AHDC1: variants seen among roughly 807,000 people sequenced by gnomAD.
AHDC1 encodes transcription factor Gibbin.
Under a neutral mutation model 87.9 loss-of-function variants are expected in AHDC1, and 7 were observed. The observed-to-expected ratio is 0.08, with a 90% CI of 0.05 to 0.15. The LOEUF is 0.15. AHDC1 is among the 10% of genes least tolerant of loss of function. AHDC1 has a pLI of 1.00. For synonymous variants in AHDC1, 1,051 were observed against 1,006.8 expected, an observed-to-expected ratio of 1.04 and a Z score of -0.83; for missense variants, 1,841 against 2,253.2, an observed-to-expected ratio of 0.82 and a Z score of 3.70.
At chr1:27,559,912 G>C (rs145207791) in intron 3 of AHDC1, among the ~76,000 whole-genome samples, 1 of 152,332 alleles carries the variant, frequency 6.6e-6, no homozygotes, top group East Asian at 1.9e-4. Context: ...GATTCTGCCT[G>C]TGCAAATGCA....
Position 27,549,230 on chromosome 1 carries a change from C to A in AHDC1, c.2886G>T (p.Pro962=), listed in dbSNP as rs759357518. 6.2e-7 allele frequency: 1 copy of A among 1,603,618 alleles called. No homozygotes were observed. The highest frequency in any genetic ancestry group is 8.5e-7 in the Non-Finnish European group (1 of 1,174,534). Residue 962 remains proline, a synonymous_variant, in exon 8 of 9, where the codon CCG becomes CCT. Coordinates refer to ENST00000673934, the MANE Select transcript of AHDC1 (RefSeq NM_001371928.1). The stretch of plus-strand genomic sequence containing the variant: ...ACTGGGGCAGGTAGGTGTTGGCAGG[C>A]GGGTGGGTGGTAGGTGAGCGGGCCA... ...SAMARSPTTH[P]PANTYLPQYG...
chr1:27,568,355 T>A (rs2020411571), intron 3 of AHDC1: 1 of 152,330 alleles, frequency 6.6e-6, no homozygotes, highest in African/African-American at 2.4e-5. Flanking sequence ...CTTGGCAAGA[T>A]CTTGGGGCAG....
chr1:27,577,845 C>T (rs2088801060), intron 3 of AHDC1, among the ~76,000 whole-genome samples: 1 of 152,164 alleles, frequency 6.6e-6, no homozygotes, highest in Admixed American at 6.5e-5. Context: ...GGCCAGTGCT[C>T]AGAGGTGATA....
chr1:27,592,715 G>A (rs1418438407), intron 3 of AHDC1, among the ~76,000 whole-genome samples: 4 of 152,192 alleles, frequency 2.6e-5, no homozygotes, highest in Non-Finnish European at 4.4e-5. Flanking sequence ...TGCTCCATCT[G>A]CAAAATGGAG....
intron 8 of AHDC1, among the ~76,000 whole-genome samples, chr1:27,538,404 A>AAAAAAAAAAAAAAACAAAC (rs1167582471): frequency 4.9e-5 from 7 of 142,802 alleles, no homozygotes; most frequent in African/African-American, 1.8e-4. Context: ...CTGTCTCAAA[A>AAAAAAAAAAAAAAACAAAC]AAAAAAAAAA....
At chr1:27,545,038 T>C (rs1021341439) in intron 8 of AHDC1, among the ~76,000 whole-genome samples, 2 of 151,956 alleles carry the variant, frequency 1.3e-5, no homozygotes, top group Non-Finnish European at 2.9e-5. Context: ...ACACTGCTGT[T>C]CCCTCTGCCC....
At position 27,549,712 on chromosome 1, in the gene AHDC1, C is replaced by T. The variant is rs200194832; in HGVS notation, c.2404G>A (p.Ala802Thr). 3.1e-6 allele frequency: 5 copies of T among 1,612,798 alleles called. No homozygotes were observed. In the South Asian group the frequency reaches 4.4e-5, roughly 14 times the overall value. ...GCTCCACTCTCCAGCCCAGTGGAGG[C>T]AAAGGCCCGGGCCTCGGTCCCCTGA... The part of the protein sequence containing the change: ...GFQGTEARAF[A>T]STGLESGASG... The change falls in exon 8 of 9, where the codon GCC becomes ACC. Residue 802 changes from alanine (A) to threonine (T), a missense_variant. Coordinates refer to ENST00000673934, the MANE Select transcript of AHDC1 (RefSeq NM_001371928.1).
rs1487299082 is a variant in AHDC1, at chr1:27,550,770, G to A, written c.1346C>T (p.Pro449Leu). ...ALPGPGPVSVPELKPESSQTP... is the reference protein window; with the variant it reads ...ALPGPGPVSVLELKPESSQTP... ...CTGGGAAGATTCCGGCTTCAACTCTGGGACTGAGACCGGGCCTGGGCCTGG... is the reference window on the plus strand; with the variant it reads ...CTGGGAAGATTCCGGCTTCAACTCTAGGACTGAGACCGGGCCTGGGCCTGG... The change falls in exon 8 of 9, where the codon CCA (proline) becomes CTA (leucine). Residue 449 changes from proline to leucine, a missense_variant. Pro to Leu is a moderately conservative substitution (Grantham distance 98). Around this residue, in one of 13 missense-constraint regions of AHDC1, gnomAD observed 370 missense variants for 391.5 expected, o/e 0.95. Transcript: ENST00000673934. The A allele has an allele frequency of 1.9e-6, 3 of 1,573,692 alleles. No individual in the cohort carries two copies. In the East Asian group the frequency reaches 7.1e-5, roughly 37 times the overall value.
chr1:27,574,518 G>A, intron 3 of AHDC1, among the ~76,000 whole-genome samples: 1 of 152,184 alleles, frequency 6.6e-6, no homozygotes, highest in East Asian at 1.9e-4. Flanking sequence ...AAAAGGACTT[G>A]TTCAAGGTCA....
rs372265193 is a variant in AHDC1, at chr1:27,595,450, C to CTGTGTGTGTGTGTGTGTGTGTG, written c.-629+7946_-629+7947insCACACACACACACACACACACA. On this transcript the variant is annotated intron_variant, in intron 3 of 8. Transcript: ENST00000673934. This position sits in a 1 kb window ranked among gnomAD's most constrained non-coding sequence, Gnocchi z 4.0. The stretch of plus-strand genomic sequence containing the variant: ...GGTTGATATGCTGAGGGTGTGATAG[C>CTGTGTGTGTGTGTGTGTGTGTG]TGTGTGTGTGTGTGTGTGTGATTGT... 7.2e-3 allele frequency among the ~76,000 whole-genome samples: 1,038 copies of CTGTGTGTGTGTGTGTGTGTGTG among 144,732 alleles called. 9 individuals carry two copies. Among genetic ancestry groups the CTGTGTGTGTGTGTGTGTGTGTG allele is most frequent in the African/African-American group, 0.018 (701 of 38,782 alleles). The allele number at this position is 144,732 out of a possible 152,430, so 94.9% of individuals were successfully genotyped here.
intron 3 of AHDC1, among the ~76,000 whole-genome samples, chr1:27,591,783 G>C (rs150608489): frequency 6.6e-6 from 1 of 152,210 alleles, no homozygotes; most frequent in Non-Finnish European, 1.5e-5. Flanking sequence ...CTCAGCCTCA[G>C]ATTCCCCATC....
In AHDC1 at chr1:27,552,198, C is replaced by A; in HGVS notation, c.-74-9G>T. On this transcript the variant is annotated splice_polypyrimidine_tract_variant and intron_variant, in intron 7 of 8. Coordinates refer to ENST00000673934, the MANE Select transcript of AHDC1 (RefSeq NM_001371928.1). Reference sequence around the variant, plus strand: ...GAAGCCGGGACCAGGACCTGCCAGGCAGGAAGAGCAGGAGGTCCCTTACTG... The same window carrying A: ...GAAGCCGGGACCAGGACCTGCCAGGAAGGAAGAGCAGGAGGTCCCTTACTG... The A allele has an allele frequency of 7.0e-7, 1 of 1,421,556 alleles. No homozygotes were observed. Among genetic ancestry groups the A allele is most frequent in the Non-Finnish European group, 9.2e-7 (1 of 1,091,754 alleles). 88.1% of individuals were successfully genotyped at this position (1,421,556 alleles called of 1,614,324 possible). A position where few individuals can be genotyped will look rare whatever the true frequency, so the allele number is the denominator to read the frequency against.
At position 27,549,795 on chromosome 1, in the gene AHDC1, C is replaced by T; in HGVS notation, c.2321G>A (p.Gly774Asp). The T allele has an allele frequency of 1.2e-6, 2 of 1,613,542 alleles. No individual in the cohort carries two copies. The highest frequency in any genetic ancestry group is 1.7e-6 in the Non-Finnish European group (2 of 1,179,978). Residue 774 changes from glycine to aspartate, a missense_variant, in exon 8 of 9, where the codon GGT (glycine) becomes GAT (aspartate). By Grantham distance (94) the Gly-to-Asp change is moderately conservative (BLOSUM62 -1). Coordinates refer to ENST00000673934, the MANE Select transcript of AHDC1 (RefSeq NM_001371928.1). ...GTGCCCATGGTGAGGGGCCCAGCCA[C>T]CACCCTTATCCCCGGCCCACTCAGC... ...AGAEWAGDKG[G>D]GWAPHHGHPG...
rs555885415 is a variant in AHDC1, at chr1:27,598,802, C to T, written c.-629+4595G>A. On this transcript the variant is annotated intron_variant, in intron 3 of 8. Transcript: ENST00000673934. This position sits in a 1 kb window ranked among gnomAD's most constrained non-coding sequence, Gnocchi z 4.2. ...ATATACAGTGCATCCCAGTGCTCAC[C>T]GCCTGCCCAAGCCCCCCAACACCAG... is the stretch of plus-strand genomic sequence containing the variant. Among the ~76,000 whole-genome samples, 2 of 152,270 alleles carry T rather than the reference C, an allele frequency of 1.3e-5. No homozygotes were observed. The highest frequency in any genetic ancestry group is 2.1e-4 in the South Asian group (1 of 4,830).
At chr1:27,569,081 C>T (rs2148387203) in intron 3 of AHDC1, among the ~76,000 whole-genome samples, 1 of 151,434 alleles carries the variant, frequency 6.6e-6, no homozygotes, top group Non-Finnish European at 1.5e-5. Context: ...CACCCCATCC[C>T]ACCCCAAATC....
rs904778513 is a variant in AHDC1, at chr1:27,593,068, A to G, written c.-629+10329T>C. Among the ~76,000 whole-genome samples the G allele has an allele frequency of 2.1e-4, 32 of 152,098 alleles. No homozygotes were observed. Among genetic ancestry groups the G allele is most frequent in the African/African-American group, 7.5e-4 (31 of 41,396 alleles). On this transcript the variant is annotated intron_variant, in intron 3 of 8. Transcript: ENST00000673934. The surrounding 1 kb of genome is among the most constrained non-coding windows in gnomAD (Gnocchi z 4.9). ...AAAACCCAGAGCAAGGAGCTGAGCA[A>G]CAGCTGCGGTGCTGCCCCTCCAGGG...
intron 7 of AHDC1, chr1:27,552,399 A>AAT: frequency 5.6e-6 from 2 of 359,268 alleles, no homozygotes; most frequent in Non-Finnish European, 9.3e-6. Flanking sequence ...GCCCAGTTTC[A>AAT]CTTTTTTTTT....
At chr1:27,545,323 T>A (rs2019114901) in intron 8 of AHDC1, among the ~76,000 whole-genome samples, 1 of 152,050 alleles carries the variant, frequency 6.6e-6, no homozygotes, top group Non-Finnish European at 1.5e-5. Context: ...CAGATGTCTC[T>A]AGAACAATGG....
intron 3 of AHDC1, among the ~76,000 whole-genome samples, chr1:27,591,205 C>T (rs1451350207): frequency 6.6e-6 from 1 of 152,188 alleles, no homozygotes; most frequent in East Asian, 1.9e-4. Context: ...AGTCTGCCAA[C>T]AGACCCCTGC....
Sources: allele counts gnomAD v4.1 joint callset (sites outside exome capture counted in the v4.1 genomes callset), GRCh38; gene constraint gnomAD v4.1.1; regional missense constraint gnomAD v4.1.1; non-coding constraint Gnocchi (gnomAD v3.1); transcripts MANE v1.5; gene names NCBI Gene and HGNC (gene_info 2026-07-23, HGNC 2026-07-21).